The following CEP41 variants were observed in gnomAD, a reference collection of about 807,000 sequenced individuals.
CEP41 encodes the protein centrosomal protein 41, also known as centrosomal protein of 41 kDa.
Under a neutral mutation model 44.3 loss-of-function variants are expected in CEP41, and 32 were observed. That is an observed-to-expected ratio of 0.72 (90% confidence interval 0.54 to 0.97). The LOEUF (loss-of-function observed/expected upper bound fraction) is 0.97. Ranked by LOEUF, CEP41 falls within the 50% of genes least tolerant of loss-of-function variation. CEP41 has a pLI of 0.00. For synonymous variants in CEP41, 151 were observed against 168.5 expected, an observed-to-expected ratio of 0.90 and a Z score of 0.80; for missense variants, 432 against 455.2, an observed-to-expected ratio of 0.95 and a Z score of 0.46.
At chr7:130,424,304 G>T (rs1294230635) in intron 2 of CEP41, among the ~76,000 whole-genome samples, 1 of 151,876 alleles carries the variant, frequency 6.6e-6, no homozygotes, top group Non-Finnish European at 1.5e-5. Context: ...GGAGGCTGAG[G>T]TGGGAGAACT....
chr7:130,423,034 C>T (rs1277608649), intron 2 of CEP41, among the ~76,000 whole-genome samples: 2 of 152,196 alleles, frequency 1.3e-5, no homozygotes, highest in Admixed American at 6.5e-5. Flanking sequence ...GCAGCCCCCG[C>T]CTCCTGGGTT....
intron 10 of CEP41, 148 bp downstream of exon 10, chr7:130,399,891 C>T: frequency 1.4e-6 from 1 of 710,574 alleles, no homozygotes; most frequent in South Asian, 1.5e-5. Context: ...TATCTGGGGT[C>T]ACCTCCACTG....
intron 3 of CEP41, among the ~76,000 whole-genome samples, chr7:130,413,363 CCAATTAATAATA>C (rs1797240069): frequency 6.6e-6 from 1 of 152,134 alleles, no homozygotes; most frequent in South Asian, 2.1e-4. Flanking sequence ...TCCCAACACT[CCAATTAATAATA>C]CAACTAATAA....
chr7:130,441,054 C>T, upstream of CEP41: 1 of 1,421,906 alleles, frequency 7.0e-7, no homozygotes, highest in Non-Finnish European at 9.8e-7. Flanking sequence ...TGTTCAGCCG[C>T]CTCCCTATAC....
Position 130,394,438 on chromosome 7 carries a change from G to A in CEP41, c.*4453C>T, listed in dbSNP as rs1554413710. ...CATTGGCTAGTATTATTATTTTCTGGAAATCTTCAAGATTTGAAACAAAAG... is the reference window on the plus strand; with the variant it reads ...CATTGGCTAGTATTATTATTTTCTGAAAATCTTCAAGATTTGAAACAAAAG... On this transcript the variant is annotated 3_prime_UTR_variant, in exon 11 of 11. Transcript: ENST00000223208. 2.2e-6 allele frequency: 1 copy of A among 454,066 alleles called. No individual in the cohort carries two copies. Among genetic ancestry groups the A allele is most frequent in the East Asian group, 6.9e-5 (1 of 14,398 alleles). The allele number at this position is 454,066 out of a possible 1,614,324, so 28.1% of individuals were successfully genotyped here.
chr7:130,402,519 C>T (rs1796882360), intron 7 of CEP41, 129 bp downstream of exon 7: 2 of 1,008,094 alleles, frequency 2.0e-6, no homozygotes, highest in African/African-American at 3.2e-5. Flanking sequence ...TATAGGATTC[C>T]ATAATGGATC....
intron 1 of CEP41, among the ~76,000 whole-genome samples, chr7:130,432,192 A>C (rs1797842040): frequency 6.6e-6 from 1 of 152,198 alleles, no homozygotes; most frequent in Non-Finnish European, 1.5e-5. Flanking sequence ...TGAGTCAAGA[A>C]AGGAGGCATG....
chr7:130,412,873 G>A (rs970790510), intron 3 of CEP41, among the ~76,000 whole-genome samples: 3 of 152,216 alleles, frequency 2.0e-5, no homozygotes, highest in African/African-American at 7.2e-5. Flanking sequence ...ACTTAGTTTC[G>A]CAAGATGAAA....
At chr7:130,437,764 C>CAAAAAAAAAAAAA (rs1171735164) in intron 1 of CEP41, among the ~76,000 whole-genome samples, 1 of 32,398 alleles carries the variant, frequency 3.1e-5, no homozygotes, top group African/African-American at 1.2e-4. Context: ...AAGACTGTCT[C>CAAAAAAAAAAAAA]AAAAAAAAAA....
intron 1 of CEP41, among the ~76,000 whole-genome samples, chr7:130,435,998 C>T (rs1797949700): frequency 1.3e-5 from 2 of 152,018 alleles, no homozygotes; most frequent in African/African-American, 4.8e-5. Context: ...ACTAAAAATA[C>T]AAAAAATTGG....
At chr7:130,439,782 C>T (rs2117731452) in intron 1 of CEP41, among the ~76,000 whole-genome samples, 1 of 152,132 alleles carries the variant, frequency 6.6e-6, no homozygotes, top group South Asian at 2.1e-4. Context: ...CAGAGAAAGC[C>T]TGGACTCCTA....
intron 5 of CEP41, among the ~76,000 whole-genome samples, chr7:130,410,368 G>A (rs1554419280): frequency 6.6e-6 from 1 of 152,052 alleles, no homozygotes; most frequent in Non-Finnish European, 1.5e-5. Flanking sequence ...AACTGGAAGT[G>A]TCTTTCCTTC....
intron 5 of CEP41, among the ~76,000 whole-genome samples, chr7:130,409,510 C>T (rs1248688381): frequency 1.3e-5 from 2 of 152,170 alleles, no homozygotes; most frequent in Admixed American, 6.5e-5. Flanking sequence ...AAATTCCTGT[C>T]GTTTTCAGAT....
At chr7:130,437,277 G>A (rs1489973798) in intron 1 of CEP41, among the ~76,000 whole-genome samples, 1 of 151,026 alleles carries the variant, frequency 6.6e-6, no homozygotes, top group Non-Finnish European at 1.5e-5. Flanking sequence ...AGAAAGTTAA[G>A]AAAATTTTCA....
chr7:130,402,971 G>A (rs1030128884), intron 6 of CEP41, among the ~76,000 whole-genome samples, 172 bp from the exon 7 acceptor site: 1 of 152,226 alleles, frequency 6.6e-6, no homozygotes, highest in African/African-American at 2.4e-5. Context: ...GCAGGATCCT[G>A]TGGATTTTCT....
At chr7:130,421,910 T>G in intron 2 of CEP41, 1 of 1,533,874 alleles carries the variant, frequency 6.5e-7, no homozygotes, top group South Asian at 1.2e-5. Context: ...CCTGCGGTGG[T>G]GACTGAACAA....
chr7:130,398,671 C>A lies in CEP41; in HGVS notation c.*220G>T. 1.4e-6 allele frequency: 1 copy of A among 729,430 alleles called. No individual in the cohort carries two copies. Among genetic ancestry groups the A allele is most frequent in the Non-Finnish European group, 2.5e-6 (1 of 400,158 alleles). The allele number at this position is 729,430 out of a possible 1,614,324, so 45.2% of individuals were successfully genotyped here. ...GTAAACAACAGGGAGGAGACTAGAG[C>A]CTGTCACACCTCTGGTTTTTATGGT... On this transcript the variant is annotated 3_prime_UTR_variant, in exon 11 of 11. Transcript: ENST00000223208.
rs67842441 is a variant in CEP41, at chr7:130,402,353, AC to A, written c.574+294del. Among the ~76,000 whole-genome samples, 17,449 of 144,630 alleles carry A rather than the reference AC, an allele frequency of 0.12. 1,488 individuals are homozygous for A. Among genetic ancestry groups the A allele is most frequent in the South Asian group, 0.16 (736 of 4,538 alleles). The allele number at this position is 144,630 out of a possible 152,430, so 94.9% of individuals were successfully genotyped here. ...AGAGCAAGGTATTAACAAAAAAAAAACAAAAAAAAAAATCAACAAGCCATAA... is the reference window on the plus strand; with the variant it reads ...AGAGCAAGGTATTAACAAAAAAAAAAAAAAAAAAAAATCAACAAGCCATAA... On this transcript the variant is annotated intron_variant, in intron 7 of 10. Coordinates refer to ENST00000223208, the MANE Select transcript of CEP41 (RefSeq NM_018718.3).
intron 2 of CEP41, 65 bp downstream of exon 2, chr7:130,427,890 G>A (rs1797710538): frequency 9.5e-7 from 1 of 1,054,694 alleles, no homozygotes; most frequent in Non-Finnish European, 1.5e-6. Context: ...GATATGTGGG[G>A]TTGCTTTCTG....
Sources: gnomAD v4.1 joint callset for allele counts (sites outside exome capture counted in the v4.1 genomes callset) on GRCh38, gnomAD v4.1.1 for gene constraint, MANE v1.5 for transcripts, NCBI Gene and HGNC (gene_info 2026-07-23, HGNC 2026-07-21) for gene names.